Variants in EPOR observed in about 807,000 individuals in gnomAD.
EPOR encodes the protein erythropoietin receptor.
EPOR carries 20 observed loss-of-function variants against 34.3 expected under a neutral mutation model. The observed-to-expected ratio is 0.58, with a 90% CI of 0.41 to 0.85. The LOEUF (loss-of-function observed/expected upper bound fraction) is 0.85, where lower values mean the gene tolerates loss of function less well. Among genes scored for constraint, EPOR ranks in the 40% least tolerant of loss-of-function variants. EPOR has a pLI of 0.00. For missense variants in EPOR, 601 were observed against 672.7 expected (o/e 0.89, Z 1.18); for synonymous variants, 312 against 299.0 (o/e 1.04, Z -0.45).
Position 11,384,252 on chromosome 19 carries a change from TCCC to T in EPOR, c.-48_-46del, listed in dbSNP as rs1470749112. 1 of 1,272,064 alleles carries T rather than the reference TCCC, an allele frequency of 7.9e-7. No individual in the cohort carries two copies. Among genetic ancestry groups the T allele is most frequent in the African/African-American group, 1.5e-5 (1 of 67,354 alleles). The allele number at this position is 1,272,064 out of a possible 1,614,324, so 78.8% of individuals were successfully genotyped here. On this transcript the variant is annotated 5_prime_UTR_variant, in exon 1 of 8. Transcript: ENST00000222139. ...GGAGCCCAGGGCTCCTGCCCCTCCG[TCCC>T]CCGCCCCCGGCACAGTCCACAGCTG...
At chr19:11,382,435 C>G (rs1422265036) in intron 2 of EPOR, among the ~76,000 whole-genome samples, 1 of 150,514 alleles carries the variant, frequency 6.6e-6, no homozygotes, top group Non-Finnish European at 1.5e-5. Context: ...GCTACCTCGG[C>G]TCACCGCAAC....
chr19:11,382,759 G>T, intron 2 of EPOR: 3 of 1,202,392 alleles, frequency 2.5e-6, no homozygotes, highest in Non-Finnish European at 3.2e-6. Flanking sequence ...CTTCCAAAGA[G>T]TTGGGATTAC....
rs141524122 is a variant in EPOR at position 11,377,407 on chromosome 19, T to A, written c.*577A>T. On this transcript the variant is annotated 3_prime_UTR_variant, in exon 8 of 8. Transcript: ENST00000222139. ...CAGGCCAGATCCCTCAAATGGCCCA[T>A]TGAGGGTCATTGCTGCCCTTTTTCT... The A allele has an allele frequency of 9.0e-5, 41 of 454,026 alleles. No individual in the cohort carries two copies. The highest frequency in any genetic ancestry group is 2.6e-4 in the Admixed American group (11 of 42,554). 28.1% of individuals were successfully genotyped at this position (454,026 alleles called of 1,614,324 possible).
Position 11,381,970 on chromosome 19 carries a change from G to A in EPOR, c.387C>T (p.Gly129=), listed in dbSNP as rs758465676. Residue 129 remains glycine (G), a synonymous_variant, in exon 3 of 8, where the codon GGC becomes GGT. Transcript: ENST00000222139. The surrounding 1 kb of genome is among the most constrained non-coding windows in gnomAD (Gnocchi z 5.3). ...PLELRVTAAS[G]APRYHRVIHI... is the part of the protein sequence containing the mutation. ...GGATGACACGGTGATATCGCGGAGC[G>A]CCGGAGGCTGCTGTGACGCGCAACT... 1.7e-5 allele frequency: 27 copies of A among 1,614,094 alleles called. No homozygotes were observed. The highest frequency in any genetic ancestry group is 1.6e-5 in the Non-Finnish European group (19 of 1,180,024).
In EPOR at chr19:11,380,806, C is replaced by T; in HGVS notation, c.827+78G>A. Reference sequence around the variant, plus strand: ...ACCTTGGGCAAGTGCGTGTCTCTCTCTGAGCCTAGGTTTCCATAGTGAAAG... The same window carrying T: ...ACCTTGGGCAAGTGCGTGTCTCTCTTTGAGCCTAGGTTTCCATAGTGAAAG... On this transcript the variant is annotated intron_variant, in intron 6 of 7. Transcript: ENST00000222139. 5 of 1,224,518 alleles carry T rather than the reference C, an allele frequency of 4.1e-6. No individual in the cohort carries two copies. The South Asian group carries it at 5.2e-5, about 13-fold the overall frequency. The allele number at this position is 1,224,518 out of a possible 1,614,324, so 75.9% of individuals were successfully genotyped here. A position where few individuals can be genotyped will look rare whatever the true frequency, so the allele number is the denominator to read the frequency against.
In EPOR at chr19:11,383,773, A is replaced by C. The variant is rs868017054; in HGVS notation, c.115+320T>G. ...CCTAGGGAGGGTCGGCTTGGTCCCCACCCCCCAGGGACCTTAGCACCAAGT... is the reference window on the plus strand; with the variant it reads ...CCTAGGGAGGGTCGGCTTGGTCCCCCCCCCCCAGGGACCTTAGCACCAAGT... On this transcript the variant is annotated intron_variant, in intron 1 of 7. Coordinates refer to ENST00000222139, the MANE Select transcript of EPOR (RefSeq NM_000121.4). The surrounding 1 kb of genome is among the most constrained non-coding windows in gnomAD (Gnocchi z 4.9). Among the ~76,000 whole-genome samples, 41 of 143,440 alleles carry C rather than the reference A, an allele frequency of 2.9e-4. No individual in the cohort carries two copies. In the South Asian group the frequency reaches 6.6e-3, roughly 23 times the overall value. 94.1% of individuals were successfully genotyped at this position (143,440 alleles called of 152,430 possible).
Position 11,381,671 on chromosome 19 carries a change from G to A in EPOR, c.585+21C>T. The A allele has an allele frequency of 6.3e-7, 1 of 1,589,514 alleles. No homozygotes were observed. The highest frequency in any genetic ancestry group is 8.6e-7 in the Non-Finnish European group (1 of 1,168,120). On this transcript the variant is annotated intron_variant, in intron 4 of 7. Coordinates refer to ENST00000222139, the MANE Select transcript of EPOR (RefSeq NM_000121.4). This position sits in a 1 kb window ranked among gnomAD's most constrained non-coding sequence, Gnocchi z 5.3. ...GTAGTCAGTGGAGCTTTGGGGGCTGGGCCGTAGGGGCTGGCCTCACCCTCT... is the reference window on the plus strand; with the variant it reads ...GTAGTCAGTGGAGCTTTGGGGGCTGAGCCGTAGGGGCTGGCCTCACCCTCT...
rs1968400710 is a variant in EPOR at position 11,383,950 on chromosome 19, G to A, written c.115+143C>T. ...CCCACCCATCCAGGACCCAGTCTAA[G>A]GGTTCAGATGCCAGCTTGGCCCCCA... On this transcript the variant is annotated intron_variant, in intron 1 of 7. Coordinates refer to ENST00000222139, the MANE Select transcript of EPOR (RefSeq NM_000121.4). The surrounding 1 kb of genome is among the most constrained non-coding windows in gnomAD (Gnocchi z 4.9). 6 of 656,874 alleles carry A rather than the reference G, an allele frequency of 9.1e-6. No homozygotes were observed. In the East Asian group the frequency reaches 1.7e-4, roughly 19 times the overall value. The allele number at this position is 656,874 out of a possible 1,614,324, so 40.7% of individuals were successfully genotyped here.
chr19:11,383,366 G>C lies in EPOR; in HGVS notation c.116-134C>G. The C allele has an allele frequency of 3.3e-6, 3 of 900,314 alleles. No homozygotes were observed. Among genetic ancestry groups the C allele is most frequent in the Non-Finnish European group, 4.9e-6 (3 of 612,930 alleles). 55.8% of individuals were successfully genotyped at this position (900,314 alleles called of 1,614,324 possible). On this transcript the variant is annotated intron_variant, in intron 1 of 7. Transcript: ENST00000222139. This position sits in a 1 kb window ranked among gnomAD's most constrained non-coding sequence, Gnocchi z 4.9. ...CCCGCCCTGCCATCTTCCCAAGCGG[G>C]TCCCTTGGAGGGGTCCGCAGAGGTG...
chr19:11,381,313 C>T lies in EPOR; in HGVS notation c.586-104G>A, dbSNP rs139409529. ...CAATCAGGGGAAAGGAAAACGGTGCCCTAGAATTGCAATGGGACCAATAAG... is the reference window on the plus strand; with the variant it reads ...CAATCAGGGGAAAGGAAAACGGTGCTCTAGAATTGCAATGGGACCAATAAG... On this transcript the variant is annotated intron_variant, in intron 4 of 7. Transcript: ENST00000222139. This position sits in a 1 kb window ranked among gnomAD's most constrained non-coding sequence, Gnocchi z 5.3. 9.8e-5 allele frequency: 127 copies of T among 1,297,418 alleles called. No homozygotes were observed. In the African/African-American group the frequency reaches 1.5e-3, roughly 16 times the overall value. 80.4% of individuals were successfully genotyped at this position (1,297,418 alleles called of 1,614,324 possible). A position where few individuals can be genotyped will look rare whatever the true frequency, so the allele number is the denominator to read the frequency against.
chr19:11,378,202 G>A lies in EPOR; in HGVS notation c.1309C>T (p.Arg437Cys), dbSNP rs771039244. The A allele has an allele frequency of 6.2e-6, 10 of 1,614,120 alleles. No individual in the cohort carries two copies. Among genetic ancestry groups the A allele is most frequent in the South Asian group, 2.2e-5 (2 of 91,086 alleles). The change falls in exon 8 of 8, where the codon CGT (arginine) becomes TGT (cysteine). Residue 437 changes from arginine (R) to cysteine (C), a missense_variant. By Grantham distance (180) the Arg-to-Cys change is radical. Coordinates refer to ENST00000222139, the MANE Select transcript of EPOR (RefSeq NM_000121.4). The surrounding 1 kb of genome is among the most constrained non-coding windows in gnomAD (Gnocchi z 5.3). ...TILDPSSQLL[R>C]PWTLCPELPP... is the part of the protein sequence containing the mutation. ...AGCTCAGGGCACAGTGTCCATGGAC[G>A]CAAGAGCTGGGAGCTGGGGTCCAGG...
rs1421890891 is a variant in EPOR, at chr19:11,383,767, G to C, written c.115+326C>G. ...CCCTCCCCTAGGGAGGGTCGGCTTGGTCCCCACCCCCCAGGGACCTTAGCA... is the reference window on the plus strand; with the variant it reads ...CCCTCCCCTAGGGAGGGTCGGCTTGCTCCCCACCCCCCAGGGACCTTAGCA... On this transcript the variant is annotated intron_variant, in intron 1 of 7. Coordinates refer to ENST00000222139, the MANE Select transcript of EPOR (RefSeq NM_000121.4). The surrounding 1 kb of genome is among the most constrained non-coding windows in gnomAD (Gnocchi z 4.9). Among the ~76,000 whole-genome samples, 1 of 151,968 alleles carries C rather than the reference G, an allele frequency of 6.6e-6. No individual in the cohort carries two copies. The highest frequency in any genetic ancestry group is 1.5e-5 in the Non-Finnish European group (1 of 67,928).
In EPOR at chr19:11,378,452, G is replaced by C; in HGVS notation, c.1059C>G (p.Gly353=). 6.2e-7 allele frequency: 1 copy of C among 1,614,152 alleles called. No homozygotes were observed. The highest frequency in any genetic ancestry group is 8.5e-7 in the Non-Finnish European group (1 of 1,180,024). Residue 353 remains glycine, a synonymous_variant, in exon 8 of 8, where the codon GGC becomes GGG. Transcript: ENST00000222139. The surrounding 1 kb of genome is among the most constrained non-coding windows in gnomAD (Gnocchi z 5.3). The part of the protein sequence containing the change: ...QAVEPGTDDE[G]PLLEPVGSEH... ...CACTGCCCACTGGCTCCAGCAGGGG[G>C]CCCTCATCATCTGTCCCCGGCTCCA...
chr19:11,380,494 A>G (rs1968340717), intron 6 of EPOR, among the ~76,000 whole-genome samples: 1 of 152,248 alleles, frequency 6.6e-6, no homozygotes. Context: ...GCTTGGAATT[A>G]CAAATACCTC....
chr19:11,383,664 G>A lies in EPOR; in HGVS notation c.115+429C>T. The stretch of plus-strand genomic sequence containing the variant: ...CCTCCCTCCACCGGGCCGGGCAAGT[G>A]ATCTGGCGCCCTCACACAAACCGTG... On this transcript the variant is annotated intron_variant, in intron 1 of 7. Coordinates refer to ENST00000222139, the MANE Select transcript of EPOR (RefSeq NM_000121.4). This position sits in a 1 kb window ranked among gnomAD's most constrained non-coding sequence, Gnocchi z 4.9. The A allele has an allele frequency of 4.1e-6, 1 of 244,178 alleles. No individual in the cohort carries two copies. Among genetic ancestry groups the A allele is most frequent in the Non-Finnish European group, 8.1e-6 (1 of 124,092 alleles). 15.1% of individuals were successfully genotyped at this position (244,178 alleles called of 1,614,324 possible). A position where few individuals can be genotyped will look rare whatever the true frequency, so the allele number is the denominator to read the frequency against.
chr19:11,381,365 C>T lies in EPOR; in HGVS notation c.586-156G>A. On this transcript the variant is annotated intron_variant, in intron 4 of 7. Transcript: ENST00000222139. This position sits in a 1 kb window ranked among gnomAD's most constrained non-coding sequence, Gnocchi z 5.3. The stretch of plus-strand genomic sequence containing the variant: ...GTAGGGGGAGGAGCCCAAGAAAGCT[C>T]AGGGCCAATCAGAGAGAGAGTCTCT... 2 of 807,846 alleles carry T rather than the reference C, an allele frequency of 2.5e-6. No homozygotes were observed. Among genetic ancestry groups the T allele is most frequent in the Admixed American group, 2.3e-5 (1 of 43,466 alleles). 50.0% of individuals were successfully genotyped at this position (807,846 alleles called of 1,614,324 possible). A position where few individuals can be genotyped will look rare whatever the true frequency, so the allele number is the denominator to read the frequency against.
In EPOR at chr19:11,381,754, T is replaced by C. The variant is rs1968363717; in HGVS notation, c.523A>G (p.Thr175Ala). The C allele has an allele frequency of 6.2e-7, 1 of 1,613,332 alleles. No homozygotes were observed. The highest frequency in any genetic ancestry group is 8.5e-7 in the Non-Finnish European group (1 of 1,179,730). Residue 175 changes from threonine (T) to alanine (A), a missense_variant, in exon 4 of 8, where the codon ACG becomes GCG. Coordinates refer to ENST00000222139, the MANE Select transcript of EPOR (RefSeq NM_000121.4). This position sits in a 1 kb window ranked among gnomAD's most constrained non-coding sequence, Gnocchi z 5.3. ...TCCACCTCGTAGCGGATGTGAGACG[T>C]CATGGGTGTCTCAGGCGGCGGGAGC... ...RWLPPPETPM[T>A]SHIRYEVDVS...
Position 11,377,389 on chromosome 19 carries a change from G to T in EPOR, c.*595C>A, listed in dbSNP as rs1163654340. ...AGAGAGGAAGCCCATTTCCAGGCCA[G>T]ATCCCTCAAATGGCCCATTGAGGGT... On this transcript the variant is annotated 3_prime_UTR_variant, in exon 8 of 8. Transcript: ENST00000222139. The T allele has an allele frequency of 2.2e-6, 1 of 453,958 alleles. No homozygotes were observed. The highest frequency in any genetic ancestry group is 2.0e-5 in the African/African-American group (1 of 49,978). 28.1% of individuals were successfully genotyped at this position (453,958 alleles called of 1,614,324 possible).
At position 11,378,491 on chromosome 19, in the gene EPOR, C is replaced by A. The variant is rs763619208; in HGVS notation, c.1020G>T (p.Gly340=). ...TCCCCGGCTCCACTGCCTGCATCGT[C>A]CCCCAGCAGCGCTCTGAGAGGACTT... The part of the protein sequence containing the change: ...SLEVLSERCW[G]TMQAVEPGTD... Residue 340 remains glycine, a synonymous_variant, in exon 8 of 8, where the codon GGG becomes GGT. Transcript: ENST00000222139. This position sits in a 1 kb window ranked among gnomAD's most constrained non-coding sequence, Gnocchi z 5.3. The A allele has an allele frequency of 3.7e-6, 6 of 1,614,236 alleles. No individual in the cohort carries two copies. Among genetic ancestry groups the A allele is most frequent in the Non-Finnish European group, 5.1e-6 (6 of 1,180,042 alleles).
Sources: gnomAD v4.1 joint callset for allele counts (sites outside exome capture counted in the v4.1 genomes callset) on GRCh38, gnomAD v4.1.1 for gene constraint, Gnocchi (gnomAD v3.1) non-coding constraint, MANE v1.5 for transcripts, NCBI Gene and HGNC (gene_info 2026-07-23, HGNC 2026-07-21) for gene names.